SIPA1L2: variants seen among roughly 807,000 people sequenced by gnomAD.
The protein encoded by SIPA1L2 is signal-induced proliferation-associated 1-like protein 2.
A neutral mutation model predicts 163.9 loss-of-function variants in SIPA1L2; 56 were observed. The observed-to-expected ratio is 0.34, with a 90% confidence interval of 0.28 to 0.43. SIPA1L2 has a LOEUF of 0.43. Among genes scored for constraint, SIPA1L2 ranks in the 20% least tolerant of loss-of-function variants. SIPA1L2 has a pLI of 1.00. For synonymous variants in SIPA1L2, 877 were observed against 865.7 expected, an observed-to-expected ratio of 1.01 and a Z score of -0.23; for missense variants, 1,974 against 2,193.5, an observed-to-expected ratio of 0.90 and a Z score of 2.00.
At chr1:232,525,401 A>ATTTTTTT in intron 2 of SIPA1L2, among the ~76,000 whole-genome samples, 1 of 127,662 alleles carries the variant, frequency 7.8e-6, no homozygotes. Context: ...AAGCCTGGCT[A>ATTTTTTT]TTTTTTTTTT....
chr1:232,554,534 G>A (rs1658586567), intron 2 of SIPA1L2, among the ~76,000 whole-genome samples: 2 of 152,138 alleles, frequency 1.3e-5, no homozygotes, highest in African/African-American at 4.8e-5. Flanking sequence ...TCTTTCTCAG[G>A]ATACCATGTA....
At chr1:232,612,222 G>A (rs1662276071) in intron 1 of SIPA1L2, among the ~76,000 whole-genome samples, 1 of 152,238 alleles carries the variant, frequency 6.6e-6, no homozygotes, top group Non-Finnish European at 1.5e-5. Context: ...TGTAGGGGCA[G>A]GCACTCATGG....
intron 10 of SIPA1L2, among the ~76,000 whole-genome samples, chr1:232,460,604 C>T (rs1664182534): frequency 6.6e-6 from 1 of 152,064 alleles, no homozygotes; most frequent in Non-Finnish European, 1.5e-5. Context: ...CAGGCAGGTG[C>T]TCTTCCCCTT....
intron 2 of SIPA1L2, among the ~76,000 whole-genome samples, chr1:232,529,730 G>A (rs1031774860): frequency 1.3e-5 from 2 of 152,220 alleles, no homozygotes; most frequent in Non-Finnish European, 2.9e-5. Flanking sequence ...TGGCAAATCA[G>A]ACATCACAAT....
At chr1:232,530,238 C>T (rs767292951) in intron 2 of SIPA1L2, among the ~76,000 whole-genome samples, 1 of 152,116 alleles carries the variant, frequency 6.6e-6, no homozygotes, top group Non-Finnish European at 1.5e-5. Context: ...CCCAGCCTCC[C>T]AAGCAGCTGG....
chr1:232,460,020 A>T (rs12409008), intron 10 of SIPA1L2, among the ~76,000 whole-genome samples: 1 of 152,100 alleles, frequency 6.6e-6, no homozygotes, highest in Non-Finnish European at 1.5e-5. Flanking sequence ...TTCCAAGCAT[A>T]CTTTGTCTCT....
In SIPA1L2 at chr1:232,461,144, G is replaced by A. The variant is rs778068976; in HGVS notation, c.2838C>T (p.Cys946=). 23 of 1,613,970 alleles carry A rather than the reference G, an allele frequency of 1.4e-5. No homozygotes were observed. Among genetic ancestry groups the A allele is most frequent in the Admixed American group, 1.3e-4 (8 of 60,004 alleles). ...TCCTCAGGGTCATTTCCACAGTCTCGCAGCCTCTCGTCACTATCTAAGGGG... is the reference window on the plus strand; with the variant it reads ...TCCTCAGGGTCATTTCCACAGTCTCACAGCCTCTCGTCACTATCTAAGGGG... ...VQRLVIVTRG[C]ETVEMTLRRN... is the part of the protein sequence containing the mutation. The change falls in exon 10 of 23, where the codon TGC becomes TGT. Residue 946 remains cysteine, a synonymous_variant. Coordinates refer to ENST00000674635, the MANE Select transcript of SIPA1L2 (RefSeq NM_020808.5).
At chr1:232,509,959 A>T (rs1009429433) in intron 3 of SIPA1L2, among the ~76,000 whole-genome samples, 5 of 152,124 alleles carry the variant, frequency 3.3e-5, no homozygotes, top group African/African-American at 1.2e-4. Flanking sequence ...AGCACCTTCC[A>T]CAGCACAGAA....
rs546019143 is a variant in SIPA1L2, at chr1:232,447,522, C to T, written c.3096-1736G>A. On this transcript the variant is annotated intron_variant, in intron 10 of 22. Transcript: ENST00000674635. ...AAAAGGTGTGTGCTCTGCACAGATG[C>T]CCCGACAGAGAATGGCTGAACTTCA... 1.2e-4 allele frequency among the ~76,000 whole-genome samples: 18 copies of T among 152,362 alleles called. No individual in the cohort carries two copies. The East Asian group carries it at 2.9e-3, about 24-fold the overall frequency.
intron 8 of SIPA1L2, among the ~76,000 whole-genome samples, chr1:232,466,663 C>T (rs991277152): frequency 2.6e-5 from 4 of 151,960 alleles, no homozygotes; most frequent in Admixed American, 1.3e-4. Flanking sequence ...TGGTGGCGGG[C>T]GCCTGTAGTC....
chr1:232,467,403 G>C (rs1173801782), intron 8 of SIPA1L2, among the ~76,000 whole-genome samples: 7 of 152,244 alleles, frequency 4.6e-5, no homozygotes, highest in African/African-American at 1.4e-4. Flanking sequence ...TCTACATCAG[G>C]TGTGGCCCAT....
At chr1:232,433,364 T>C (rs1662362940) in intron 15 of SIPA1L2, among the ~76,000 whole-genome samples, 1 of 151,804 alleles carries the variant, frequency 6.6e-6, no homozygotes, top group Non-Finnish European at 1.5e-5. Context: ...TTCAGGAAAA[T>C]GTAAAGAAAA....
Position 232,398,998 on chromosome 1 carries a change from T to C in SIPA1L2, c.*129A>G. 1.6e-6 allele frequency: 2 copies of C among 1,272,094 alleles called. No individual in the cohort carries two copies. The highest frequency in any genetic ancestry group is 2.5e-5 in the East Asian group (1 of 39,396). The allele number at this position is 1,272,094 out of a possible 1,614,324, so 78.8% of individuals were successfully genotyped here. A position where few individuals can be genotyped will look rare whatever the true frequency, so the allele number is the denominator to read the frequency against. On this transcript the variant is annotated 3_prime_UTR_variant, in exon 23 of 23. Transcript: ENST00000674635. ...AGGCTCCCTATCCTGCTGTGGTGAA[T>C]GGTGCTACACAGAATGGAACAGCAA...
intron 10 of SIPA1L2, among the ~76,000 whole-genome samples, chr1:232,452,829 G>A (rs888442950): frequency 9.2e-5 from 14 of 152,130 alleles, no homozygotes; most frequent in African/African-American, 3.4e-4. Context: ...CAACCTCTTA[G>A]ACCCTCCTCT....
chr1:232,443,942 T>C (rs902151732), intron 11 of SIPA1L2, among the ~76,000 whole-genome samples: 1 of 152,146 alleles, frequency 6.6e-6, no homozygotes, highest in South Asian at 2.1e-4. Context: ...TGTCTAAAGA[T>C]TTAAAGCACA....
chr1:232,533,084 G>A (rs947822359), intron 2 of SIPA1L2, among the ~76,000 whole-genome samples: 1 of 152,154 alleles, frequency 6.6e-6, no homozygotes, highest in Non-Finnish European at 1.5e-5. Flanking sequence ...GTGGACCAGT[G>A]CCAGGTCAGT....
chr1:232,473,526 T>C (rs1044504192), intron 7 of SIPA1L2, among the ~76,000 whole-genome samples: 4 of 152,218 alleles, frequency 2.6e-5, no homozygotes, highest in Non-Finnish European at 5.9e-5. Context: ...CAACAGCAAA[T>C]TGCACAGTTA....
In SIPA1L2 at chr1:232,446,116, T is replaced by C. The variant is rs561736270; in HGVS notation, c.3096-330A>G. The stretch of plus-strand genomic sequence containing the variant: ...CGTATGGTTATTAAAATGTTCCAAC[T>C]ACCAATGCGTAAGAAGCAGCTGTTC... On this transcript the variant is annotated intron_variant, in intron 10 of 22. Transcript: ENST00000674635. Among the ~76,000 whole-genome samples, 8 of 152,266 alleles carry C rather than the reference T, an allele frequency of 5.3e-5. No homozygotes were observed. In the South Asian group the frequency reaches 1.7e-3, roughly 32 times the overall value.
intron 2 of SIPA1L2, among the ~76,000 whole-genome samples, chr1:232,535,377 G>A (rs925628298): frequency 5.3e-5 from 8 of 151,976 alleles, no homozygotes; most frequent in Admixed American, 1.3e-4. Context: ...ATTTTCACAT[G>A]TTCCTGGTTT....
Sources: gnomAD v4.1 joint callset for allele counts (sites outside exome capture counted in the v4.1 genomes callset) on GRCh38, gnomAD v4.1.1 for gene constraint, MANE v1.5 for transcripts, NCBI Gene and HGNC (gene_info 2026-07-23, HGNC 2026-07-21) for gene names.